The following AIG1 variants were observed in gnomAD, a reference collection of about 807,000 sequenced individuals.
The protein encoded by AIG1 is androgen induced 1.
A neutral mutation model predicts 31.4 loss-of-function variants in AIG1; 23 were observed. The observed-to-expected ratio is 0.73, with a 90% CI of 0.53 to 1.04. AIG1 has a LOEUF of 1.04. Among genes scored for constraint, AIG1 ranks in the 50% least tolerant of loss-of-function variants. AIG1 has a pLI of 0.00. For missense variants in AIG1, 274 were observed against 295.0 expected (o/e 0.93, Z 0.52); for synonymous variants, 100 against 110.5 (o/e 0.90, Z 0.60).
intron 3 of AIG1, among the ~76,000 whole-genome samples, chr6:143,253,697 G>T (rs1795170973): frequency 6.6e-6 from 1 of 152,198 alleles, no homozygotes; most frequent in Non-Finnish European, 1.5e-5. Context: ...TAAACAAGGA[G>T]AGTAAATCAT....
At chr6:143,063,209 A>G (rs185092181) in intron 1 of AIG1, among the ~76,000 whole-genome samples, 334 of 152,364 alleles carry the variant, frequency 2.2e-3, no homozygotes, top group South Asian at 5.2e-3. Context: ...TTAGCATTCA[A>G]TGATTGGACT....
chr6:143,063,792 C>T (rs1466768951), intron 1 of AIG1, among the ~76,000 whole-genome samples: 1 of 152,208 alleles, frequency 6.6e-6, no homozygotes. Context: ...TCCATGGCTT[C>T]AGTTTACCAG....
intron 3 of AIG1, among the ~76,000 whole-genome samples, chr6:143,260,017 C>CT (rs35620148): frequency 0.1 from 8,847 of 85,108 alleles, 642 homozygotes; most frequent in South Asian, 0.17. Context: ...TCTTGTGCTT[C>CT]TTTTTTTTTT....
At chr6:143,067,577 A>G (rs1207774421) in intron 1 of AIG1, among the ~76,000 whole-genome samples, 1 of 152,216 alleles carries the variant, frequency 6.6e-6, no homozygotes, top group Non-Finnish European at 1.5e-5. Flanking sequence ...TAAGTATACT[A>G]CATTTTGCAT....
At chr6:143,093,074 C>T (rs887198244) in intron 1 of AIG1, among the ~76,000 whole-genome samples, 14 of 152,142 alleles carry the variant, frequency 9.2e-5, no homozygotes, top group Middle Eastern at 3.4e-3. Flanking sequence ...ACAATCATCC[C>T]TCCCCTCACA....
Position 143,268,586 on chromosome 6 carries a change from T to C in AIG1, c.400-15524T>C, listed in dbSNP as rs1796307717. ...GGTGGTAAGGAATTTAATCATGTAC[T>C]GACCAATTTCTTGTTTCATAAGAAC... On this transcript the variant is annotated intron_variant, in intron 3 of 5. Coordinates refer to ENST00000357847, the MANE Select transcript of AIG1 (RefSeq NM_016108.4). This position sits in a 1 kb window ranked among gnomAD's most constrained non-coding sequence, Gnocchi z 5.0. Among the ~76,000 whole-genome samples the C allele has an allele frequency of 1.3e-5, 2 of 152,228 alleles. No individual in the cohort carries two copies. Among genetic ancestry groups the C allele is most frequent in the Admixed American group, 1.3e-4 (2 of 15,284 alleles).
At chr6:143,167,702 A>G (rs1787095981) in intron 3 of AIG1, among the ~76,000 whole-genome samples, 1 of 152,232 alleles carries the variant, frequency 6.6e-6, no homozygotes, top group Admixed American at 6.5e-5. Context: ...GGAGACAGAT[A>G]CTACTTAGAA....
chr6:143,251,342 G>T (rs1192391811), intron 3 of AIG1, among the ~76,000 whole-genome samples: 1 of 152,082 alleles, frequency 6.6e-6, no homozygotes, highest in East Asian at 1.9e-4. Context: ...GTGAGCCACC[G>T]TGCCCGGCCG....
chr6:143,201,989 A>C (rs1003484308), intron 3 of AIG1, among the ~76,000 whole-genome samples: 1 of 152,154 alleles, frequency 6.6e-6, no homozygotes, highest in Non-Finnish European at 1.5e-5. Flanking sequence ...ACACTGCCCT[A>C]AATAACAGAT....
rs1797266208 is a variant in AIG1, at chr6:143,280,446, C to G, written c.400-3664C>G. 6.6e-6 allele frequency among the ~76,000 whole-genome samples: 1 copy of G among 152,172 alleles called. No individual in the cohort carries two copies. The highest frequency in any genetic ancestry group is 2.4e-5 in the African/African-American group (1 of 41,424). On this transcript the variant is annotated intron_variant, in intron 3 of 5. Transcript: ENST00000357847. The surrounding 1 kb of genome is among the most constrained non-coding windows in gnomAD (Gnocchi z 4.1). ...CAAATGTTCATTGCAGCACCACTCA[C>G]AATAGCGAAAACATGGAATCAACCT...
At position 143,187,457 on chromosome 6, in the gene AIG1, T is replaced by C; in HGVS notation, c.399+22274T>C. ...ACAGTATGATCAGCTTGGTTGAAGT[T>C]TGGCACTCGACACTCTGCTCAATTG... On this transcript the variant is annotated intron_variant, in intron 3 of 5. Transcript: ENST00000357847. 4 of 1,535,594 alleles carry C rather than the reference T, an allele frequency of 2.6e-6. No homozygotes were observed. In the South Asian group the frequency reaches 3.6e-5, roughly 14 times the overall value.
At chr6:143,142,366 C>T (rs936162004) in intron 2 of AIG1, among the ~76,000 whole-genome samples, 50 of 152,186 alleles carry the variant, frequency 3.3e-4, no homozygotes, top group African/African-American at 1.2e-3. Flanking sequence ...AGCTACCATA[C>T]CCAGCTAATT....
At chr6:143,343,475 G>A (rs755021112), downstream of AIG1, 1 of 277,014 alleles carries the variant, frequency 3.6e-6, no homozygotes, top group Non-Finnish European at 7.2e-6. Flanking sequence ...CTACGTTCCC[G>A]CCTGGAAGAC....
intron 3 of AIG1, among the ~76,000 whole-genome samples, chr6:143,219,163 T>C (rs1456009081): frequency 6.6e-6 from 1 of 152,206 alleles, no homozygotes; most frequent in East Asian, 1.9e-4. Flanking sequence ...AAATGCCATA[T>C]CTGTAAAGAT....
chr6:143,200,441 T>G (rs1227788290), intron 3 of AIG1, among the ~76,000 whole-genome samples: 1 of 152,150 alleles, frequency 6.6e-6, no homozygotes, highest in Non-Finnish European at 1.5e-5. Flanking sequence ...TACTTCCTTA[T>G]CCACACAGTG....
At chr6:143,343,688 T>A (rs951563204), downstream of AIG1, among the ~76,000 whole-genome samples, 1 of 152,142 alleles carries the variant, frequency 6.6e-6, no homozygotes, top group Non-Finnish European at 1.5e-5. Context: ...TCTTTGTGTG[T>A]TTGTGTATGT....
intron 4 of AIG1, among the ~76,000 whole-genome samples, chr6:143,315,306 G>A (rs970634049): frequency 6.6e-6 from 1 of 152,102 alleles, no homozygotes; most frequent in Non-Finnish European, 1.5e-5. Flanking sequence ...AAGTTATTTT[G>A]TAGATAGCAA....
In AIG1 at chr6:143,149,701, T is replaced by C. The variant is rs566004733; in HGVS notation, c.297+12711T>C. ...CTGTTTCACACTGTAGAGCCAATGG[T>C]TTTATACAGTTTTACGGAACAGCTT... On this transcript the variant is annotated intron_variant, in intron 2 of 5. Transcript: ENST00000357847. 5.9e-5 allele frequency among the ~76,000 whole-genome samples: 9 copies of C among 152,220 alleles called. No individual in the cohort carries two copies. In the South Asian group the frequency reaches 6.2e-4, roughly 11 times the overall value.
Position 143,331,832 on chromosome 6 carries a change from A to G in AIG1, c.516-1450A>G, listed in dbSNP as rs1428104310. 1.4e-5 allele frequency among the ~76,000 whole-genome samples: 2 copies of G among 146,344 alleles called. No homozygotes were observed. Among genetic ancestry groups the G allele is most frequent in the East Asian group, 4.0e-4 (2 of 4,978 alleles). ...AGGTTTCCTGCCAAAAATGAGGTAC[A>G]TGTGTAGGTAATGTTTATTATTATT... On this transcript the variant is annotated intron_variant, in intron 4 of 5. Transcript: ENST00000357847. The surrounding 1 kb of genome is among the most constrained non-coding windows in gnomAD (Gnocchi z 4.1).
Sources: allele counts gnomAD v4.1 joint callset (sites outside exome capture counted in the v4.1 genomes callset), GRCh38; gene constraint gnomAD v4.1.1; non-coding constraint Gnocchi (gnomAD v3.1); transcripts MANE v1.5; gene names NCBI Gene and HGNC (gene_info 2026-07-23, HGNC 2026-07-21).